The following SESTD1 variants were observed in gnomAD, a reference collection of about 807,000 sequenced individuals.
The protein encoded by SESTD1 is SEC14 and spectrin domain containing 1.
A neutral mutation model predicts 101.7 loss-of-function variants in SESTD1; 43 were observed. That is an observed-to-expected ratio of 0.42 (90% CI 0.33 to 0.55). SESTD1 has a LOEUF of 0.55. Among genes scored for constraint, SESTD1 ranks in the 20% least tolerant of loss-of-function variants. The pLI is 0.07. For synonymous variants in SESTD1, 283 were observed against 286.8 expected (o/e 0.99, Z 0.13); for missense variants, 647 against 815.1 (o/e 0.79, Z 2.51).
At chr2:179,219,624 C>T (rs2046785341) in intron 1 of SESTD1, among the ~76,000 whole-genome samples, 1 of 152,212 alleles carries the variant, frequency 6.6e-6, no homozygotes, top group South Asian at 2.1e-4. Context: ...TATCACTCCA[C>T]ATATTCATAT....
At chr2:179,143,230 T>C (rs1011221705) in intron 9 of SESTD1, among the ~76,000 whole-genome samples, 1 of 152,166 alleles carries the variant, frequency 6.6e-6, no homozygotes, top group African/African-American at 2.4e-5. Flanking sequence ...GAAATACTCT[T>C]TGTAATACCT....
At chr2:179,133,083 C>A (rs2045048352) in intron 9 of SESTD1, among the ~76,000 whole-genome samples, 2 of 152,250 alleles carry the variant, frequency 1.3e-5, no homozygotes, top group South Asian at 4.2e-4. Context: ...CAAAAGGCCC[C>A]ACTGGCACCA....
intron 1 of SESTD1, among the ~76,000 whole-genome samples, chr2:179,193,371 C>A (rs544638995): frequency 4.3e-4 from 65 of 152,174 alleles, no homozygotes; most frequent in Middle Eastern, 3.4e-3. Flanking sequence ...TATATTAGCC[C>A]GGCAAACAGA....
chr2:179,250,390 G>A (rs1384266415), intron 1 of SESTD1, among the ~76,000 whole-genome samples: 2 of 152,150 alleles, frequency 1.3e-5, no homozygotes, highest in Non-Finnish European at 2.9e-5. Flanking sequence ...CAAAAACACT[G>A]GATCACTCAT....
At chr2:179,149,237 T>C in intron 7 of SESTD1, 60 bp downstream of exon 7, 4 of 1,193,550 alleles carry the variant, frequency 3.4e-6, no homozygotes, top group South Asian at 1.4e-5. Context: ...AATAGAGATA[T>C]CTTTTATCAG....
chr2:179,171,375 G>A (rs766999347), intron 5 of SESTD1, among the ~76,000 whole-genome samples: 2 of 151,774 alleles, frequency 1.3e-5, no homozygotes, highest in Non-Finnish European at 2.9e-5. Flanking sequence ...TATTGACCTC[G>A]GTAAAAATAA....
intron 1 of SESTD1, among the ~76,000 whole-genome samples, chr2:179,230,113 CTTTTTTTTTT>C (rs71023474): frequency 1.3e-3 from 72 of 56,390 alleles, no homozygotes; most frequent in East Asian, 3.5e-3. Flanking sequence ...GATTGTATCT[CTTTTTTTTTT>C]TTTTTTTTTT....
intron 3 of SESTD1, among the ~76,000 whole-genome samples, chr2:179,180,162 C>T (rs2105482783): frequency 6.6e-6 from 1 of 152,216 alleles, no homozygotes; most frequent in East Asian, 1.9e-4. Context: ...AGAAATGCTT[C>T]CATTCTCAAC....
At chr2:179,193,779 G>T (rs1269582255) in intron 1 of SESTD1, among the ~76,000 whole-genome samples, 1 of 152,042 alleles carries the variant, frequency 6.6e-6, no homozygotes, top group African/African-American at 2.4e-5. Flanking sequence ...CTAAAATAAT[G>T]GATAAATCTG....
intron 5 of SESTD1, among the ~76,000 whole-genome samples, chr2:179,170,697 C>T (rs1278102397): frequency 6.6e-6 from 1 of 152,102 alleles, no homozygotes; most frequent in Non-Finnish European, 1.5e-5. Flanking sequence ...CCAAAAAGAC[C>T]AAGGCATAAT....
At chr2:179,255,888 C>T (rs2047386514) in intron 1 of SESTD1, among the ~76,000 whole-genome samples, 2 of 152,182 alleles carry the variant, frequency 1.3e-5, no homozygotes, top group African/African-American at 4.8e-5. Context: ...TGCTCGTTTA[C>T]CATTCTGAAC....
intron 10 of SESTD1, among the ~76,000 whole-genome samples, chr2:179,125,318 A>G (rs1331500070): frequency 1.3e-5 from 2 of 152,172 alleles, no homozygotes; most frequent in East Asian, 1.9e-4. Context: ...CATCCAGCAC[A>G]TGAGAACCTC....
Position 179,264,576 on chromosome 2 carries a change from G to T in SESTD1, c.-103C>A, listed in dbSNP as rs2047533432. The T allele has an allele frequency of 6.6e-6, 1 of 152,118 alleles. No homozygotes were observed. Among genetic ancestry groups the T allele is most frequent in the African/African-American group, 2.4e-5 (1 of 41,138 alleles). The allele number at this position is 152,118 out of a possible 1,614,324, so 9.4% of individuals were successfully genotyped here. ...GGGGAACGCTAGCGAGGTGCGGGCG[G>T]AGGCGGAGGGCGCGGCGGGAGGAAG... On this transcript the variant is annotated 5_prime_UTR_variant, in exon 1 of 18. Coordinates refer to ENST00000428443, the MANE Select transcript of SESTD1 (RefSeq NM_178123.5).
intron 2 of SESTD1, among the ~76,000 whole-genome samples, chr2:179,191,050 T>C (rs1435125669): frequency 6.6e-6 from 1 of 152,190 alleles, no homozygotes; most frequent in Admixed American, 6.5e-5. Context: ...ATTGCTACCA[T>C]TCAATCCAGC....
At chr2:179,160,883 AG>A (rs1172896382) in intron 5 of SESTD1, among the ~76,000 whole-genome samples, 1 of 152,084 alleles carries the variant, frequency 6.6e-6, no homozygotes, top group East Asian at 1.9e-4. Flanking sequence ...TTTACTTATT[AG>A]TACTACAAAA....
At chr2:179,119,995 C>A (rs1280112395) in intron 13 of SESTD1, among the ~76,000 whole-genome samples, 2 of 152,092 alleles carry the variant, frequency 1.3e-5, no homozygotes, top group Non-Finnish European at 2.9e-5. Context: ...CCTTGGGAAG[C>A]CAAAGTGGGC....
At chr2:179,199,018 C>G (rs900042105) in intron 1 of SESTD1, among the ~76,000 whole-genome samples, 16 of 152,100 alleles carry the variant, frequency 1.1e-4, no homozygotes, top group Non-Finnish European at 1.6e-4. Flanking sequence ...AATCCAGGAC[C>G]TGGTTTTTTG....
intron 3 of SESTD1, among the ~76,000 whole-genome samples, chr2:179,182,277 C>G (rs1205251677): frequency 1.3e-5 from 2 of 151,852 alleles, no homozygotes; most frequent in East Asian, 1.9e-4. Context: ...CACACACACA[C>G]AGAAACCTGC....
In SESTD1 at chr2:179,109,839, T is replaced by A. The variant is rs1245924174; in HGVS notation, c.*60A>T. 1.3e-6 allele frequency: 2 copies of A among 1,588,764 alleles called. No homozygotes were observed. Among genetic ancestry groups the A allele is most frequent in the Admixed American group, 1.8e-5 (1 of 56,704 alleles). On this transcript the variant is annotated 3_prime_UTR_variant, in exon 18 of 18. Transcript: ENST00000428443. ...CATCTTAAGGTGTGGTGGCTAATGC[T>A]GTAGTATGTTGACAACATGCGGGAT... is the stretch of plus-strand genomic sequence containing the variant.
Sources: allele counts gnomAD v4.1 joint callset (sites outside exome capture counted in the v4.1 genomes callset), GRCh38; gene constraint gnomAD v4.1.1; transcripts MANE v1.5; gene names NCBI Gene and HGNC (gene_info 2026-07-23, HGNC 2026-07-21).